NXPE2: variants seen among roughly 807,000 people sequenced by gnomAD.
NXPE2 encodes NXPE family member 2.
Under a neutral mutation model 34.4 loss-of-function variants are expected in NXPE2, and 34 were observed. The ratio of observed to expected loss-of-function variants is 0.99; its 90% confidence interval spans 0.75 to 1.31. NXPE2 has a LOEUF of 1.31. Among genes scored for constraint, NXPE2 ranks in the 40% most tolerant of loss-of-function variants. The probability of loss-of-function intolerance (pLI) is 0.00; values close to 1 mark genes in which losing one functional copy is unlikely to be tolerated. For missense variants in NXPE2, 649 were observed against 672.5 expected, an observed-to-expected ratio of 0.97 and a Z score of 0.39; for synonymous variants, 235 against 231.3, an observed-to-expected ratio of 1.02 and a Z score of -0.15.
At chr11:114,626,425 T>A in the NXPE2 span, among the ~76,000 whole-genome samples, 1 of 152,086 alleles carries the variant, frequency 6.6e-6, no homozygotes. Context: ...GACTGACACC[T>A]CACGTGGCCG....
At chr11:114,522,405 A>C in the NXPE2 span, 1 of 1,614,082 alleles carries the variant, frequency 6.2e-7, no homozygotes, top group Non-Finnish European at 8.5e-7. Flanking sequence ...ACGAAGGGAT[A>C]GCTATGTTTT....
chr11:114,464,917 G>C, the NXPE2 span, among the ~76,000 whole-genome samples: 2 of 151,710 alleles, frequency 1.3e-5, no homozygotes, highest in Non-Finnish European at 2.9e-5. Context: ...TCATAAAAGA[G>C]AAACTTGAAT....
chr11:114,551,739 G>T, the NXPE2 span, among the ~76,000 whole-genome samples: 1 of 152,186 alleles, frequency 6.6e-6, no homozygotes. Context: ...CTTCAGGAAT[G>T]AATTACTCTG....
the NXPE2 span, among the ~76,000 whole-genome samples, chr11:114,635,544 G>C: frequency 6.6e-6 from 1 of 152,116 alleles, no homozygotes; most frequent in African/African-American, 2.4e-5. Flanking sequence ...TCTTGTGCCA[G>C]TTTTCAAAGG....
At chr11:114,609,907 A>T in the NXPE2 span, among the ~76,000 whole-genome samples, 8 of 151,574 alleles carry the variant, frequency 5.3e-5, no homozygotes, top group African/African-American at 1.9e-4. Context: ...CTCCTGGGTA[A>T]CTACCATTAA....
the NXPE2 span, among the ~76,000 whole-genome samples, chr11:114,743,925 A>G: frequency 2.0e-5 from 3 of 151,384 alleles, no homozygotes; most frequent in African/African-American, 7.3e-5. Context: ...ACATATATGT[A>G]TATATAAGTG....
upstream of NXPE2, among the ~76,000 whole-genome samples, chr11:114,677,238 A>G (rs1029669453): frequency 5.3e-5 from 8 of 152,050 alleles, no homozygotes; most frequent in African/African-American, 1.9e-4. Flanking sequence ...ACTTTATTGC[A>G]TACTTGAAAA....
At chr11:114,640,589 C>T in the NXPE2 span, among the ~76,000 whole-genome samples, 6 of 151,844 alleles carry the variant, frequency 4.0e-5, no homozygotes, top group Non-Finnish European at 8.8e-5. Context: ...CATAAGTGTT[C>T]CCTTTTCACC....
the NXPE2 span, chr11:114,580,248 A>G: frequency 6.8e-6 from 11 of 1,613,850 alleles, no homozygotes; most frequent in Admixed American, 1.7e-5. Context: ...ACTACAGGAG[A>G]CAGGATTCCA....
the NXPE2 span, among the ~76,000 whole-genome samples, chr11:114,608,361 T>C: frequency 3.3e-5 from 5 of 151,850 alleles, no homozygotes; most frequent in South Asian, 2.1e-4. Context: ...GGGTAACAAC[T>C]CTTACCATGT....
chr11:114,587,076 GGCCCT>G, the NXPE2 span, among the ~76,000 whole-genome samples: 3 of 152,080 alleles, frequency 2.0e-5, no homozygotes. Context: ...GCATATTGTT[GGCCCT>G]TTGCGGAAAC....
chr11:114,522,991 C>G, the NXPE2 span: 1 of 1,613,728 alleles, frequency 6.2e-7, no homozygotes, highest in Non-Finnish European at 8.5e-7. Context: ...CTAACTGAAC[C>G]TGGTTGCAAA....
chr11:114,806,332 A>G, the NXPE2 span, among the ~76,000 whole-genome samples: 1 of 152,278 alleles, frequency 6.6e-6, no homozygotes, highest in Non-Finnish European at 1.5e-5. Context: ...GCAATGGAAC[A>G]AAGCTAGACA....
chr11:114,466,034 T>C, the NXPE2 span, among the ~76,000 whole-genome samples: 2 of 152,212 alleles, frequency 1.3e-5, no homozygotes, highest in Non-Finnish European at 2.9e-5. Context: ...TATTATTTAG[T>C]AGACTATTTT....
the NXPE2 span, among the ~76,000 whole-genome samples, chr11:114,564,156 A>G: frequency 6.6e-6 from 1 of 152,336 alleles, no homozygotes; most frequent in South Asian, 2.1e-4. Flanking sequence ...ATTCGCAGCA[A>G]CCTGGATAGA....
the NXPE2 span, among the ~76,000 whole-genome samples, chr11:114,626,088 G>A: frequency 1.3e-5 from 2 of 152,284 alleles, no homozygotes; most frequent in East Asian, 1.9e-4. Context: ...AGGCGGCAGC[G>A]AGGCTGGGAG....
At chr11:114,649,109 A>G in the NXPE2 span, among the ~76,000 whole-genome samples, 1 of 151,644 alleles carries the variant, frequency 6.6e-6, no homozygotes, top group Non-Finnish European at 1.5e-5. Flanking sequence ...TTTCGCCTTC[A>G]GCAAGCACCT....
chr11:114,775,350 GTTAAGC>G, the NXPE2 span, among the ~76,000 whole-genome samples: 2 of 152,170 alleles, frequency 1.3e-5, no homozygotes, highest in Non-Finnish European at 2.9e-5. Flanking sequence ...AATAGCTTTT[GTTAAGC>G]TCTCCTGGAC....
At chr11:114,640,196 T>TC in the NXPE2 span, among the ~76,000 whole-genome samples, 1 of 134,092 alleles carries the variant, frequency 7.5e-6, no homozygotes, top group Non-Finnish European at 1.5e-5. Context: ...ATATAATTTA[T>TC]ATATATTATA....
Sources: gnomAD v4.1 joint callset for allele counts (sites outside exome capture counted in the v4.1 genomes callset) on GRCh38, gnomAD v4.1.1 for gene constraint, MANE v1.5 for transcripts, NCBI Gene and HGNC (gene_info 2026-07-23, HGNC 2026-07-21) for gene names.